Variants in FAF1 observed in about 807,000 individuals in gnomAD.
FAF1 encodes the protein FAS-associated factor 1.
A neutral mutation model predicts 92.5 loss-of-function variants in FAF1; 25 were observed. That is an observed-to-expected ratio of 0.27 (90% CI 0.20 to 0.38). FAF1 has a LOEUF of 0.38. Among genes scored for constraint, FAF1 ranks in the 10% least tolerant of loss-of-function variants. The probability of loss-of-function intolerance (pLI) is 1.00; values close to 1 mark genes in which losing one functional copy is unlikely to be tolerated. For missense variants in FAF1, 636 were observed against 793.3 expected (o/e 0.80, Z 2.38); for synonymous variants, 234 against 273.2 (o/e 0.86, Z 1.42).
intron 7 of FAF1, among the ~76,000 whole-genome samples, chr1:50,656,459 A>G (rs1655116659): frequency 6.6e-6 from 1 of 152,210 alleles, no homozygotes; most frequent in African/African-American, 2.4e-5. Flanking sequence ...AAAATTAAAT[A>G]CAAAAAATGC....
chr1:50,707,419 C>A (rs1490197502), intron 6 of FAF1, among the ~76,000 whole-genome samples: 1 of 152,032 alleles, frequency 6.6e-6, no homozygotes, highest in Non-Finnish European at 1.5e-5. Context: ...GCATAATGGG[C>A]TGGGTGCACT....
At chr1:50,938,373 G>A (rs1360823388) in intron 1 of FAF1, among the ~76,000 whole-genome samples, 1 of 152,184 alleles carries the variant, frequency 6.6e-6, no homozygotes, top group Non-Finnish European at 1.5e-5. Context: ...GACCAGCTAT[G>A]TATGTCACCA....
At chr1:50,955,022 G>T in intron 1 of FAF1, among the ~76,000 whole-genome samples, 1 of 152,236 alleles carries the variant, frequency 6.6e-6, no homozygotes, top group South Asian at 2.1e-4. Flanking sequence ...AAGAGGTTAA[G>T]GAGGAGAAGA....
intron 15 of FAF1, among the ~76,000 whole-genome samples, chr1:50,520,469 CTCA>C (rs1647439588): frequency 6.6e-6 from 1 of 152,176 alleles, no homozygotes; most frequent in South Asian, 2.1e-4. Context: ...TATTTCTTTG[CTCA>C]TGTTTTCCCA....
intron 2 of FAF1, among the ~76,000 whole-genome samples, chr1:50,841,002 C>T (rs1038823930): frequency 6.6e-6 from 1 of 151,968 alleles, no homozygotes; most frequent in African/African-American, 2.4e-5. Flanking sequence ...AGGACCCAGC[C>T]ACTTCACACA....
intron 1 of FAF1, among the ~76,000 whole-genome samples, chr1:50,869,557 C>T (rs1282471795): frequency 8.5e-5 from 13 of 152,280 alleles, no homozygotes; most frequent in African/African-American, 3.1e-4. Flanking sequence ...CCTACATAAT[C>T]AATTCTGCTC....
chr1:50,543,571 G>A (rs1325868090), intron 13 of FAF1, among the ~76,000 whole-genome samples: 1 of 152,100 alleles, frequency 6.6e-6, no homozygotes, highest in African/African-American at 2.4e-5. Context: ...CTAAAATATG[G>A]TAGGCCCTTA....
At chr1:50,624,439 G>C (rs1020829218) in intron 8 of FAF1, among the ~76,000 whole-genome samples, 1 of 151,942 alleles carries the variant, frequency 6.6e-6, no homozygotes, top group African/African-American at 2.4e-5. Flanking sequence ...GAGCCACCGC[G>C]CCCGGCCAAC....
intron 13 of FAF1, among the ~76,000 whole-genome samples, chr1:50,558,129 C>T (rs1649682102): frequency 6.6e-6 from 1 of 151,994 alleles, no homozygotes; most frequent in African/African-American, 2.4e-5. Context: ...GAACTCCTTG[C>T]CTTAAGTGAT....
chr1:50,858,865 C>T (rs944388800), intron 1 of FAF1, among the ~76,000 whole-genome samples: 1 of 151,722 alleles, frequency 6.6e-6, no homozygotes, highest in Non-Finnish European at 1.5e-5. Context: ...TCTGGTGACC[C>T]AGCTCATGGC....
intron 6 of FAF1, among the ~76,000 whole-genome samples, chr1:50,718,165 A>T (rs572801177): frequency 6.6e-6 from 1 of 151,942 alleles, no homozygotes; most frequent in Non-Finnish European, 1.5e-5. Flanking sequence ...GATTACAGGC[A>T]CCCGAGTAGC....
At chr1:50,846,282 T>G (rs2124651054) in intron 2 of FAF1, among the ~76,000 whole-genome samples, 1 of 149,610 alleles carries the variant, frequency 6.7e-6, no homozygotes, top group East Asian at 1.9e-4. Context: ...CATTTGCAAG[T>G]GACAAGCTGT....
At chr1:50,759,817 T>C (rs914845108) in intron 4 of FAF1, among the ~76,000 whole-genome samples, 6 of 152,202 alleles carry the variant, frequency 3.9e-5, no homozygotes, top group Non-Finnish European at 8.8e-5. Flanking sequence ...GCACCTGTTG[T>C]TTCCTGACTT....
chr1:50,571,654 G>C (rs901407856), intron 12 of FAF1, among the ~76,000 whole-genome samples: 1 of 152,180 alleles, frequency 6.6e-6, no homozygotes, highest in Non-Finnish European at 1.5e-5. Flanking sequence ...TGAGTTCGGT[G>C]CCTCACTAAT....
At chr1:50,814,429 G>T (rs1461656055) in intron 2 of FAF1, among the ~76,000 whole-genome samples, 3 of 151,836 alleles carry the variant, frequency 2.0e-5, no homozygotes, top group Non-Finnish European at 4.4e-5. Flanking sequence ...CATATTGTGT[G>T]GGTACAATAA....
At chr1:50,869,719 TAG>T (rs1644511370) in intron 1 of FAF1, among the ~76,000 whole-genome samples, 1 of 152,186 alleles carries the variant, frequency 6.6e-6, no homozygotes, top group Non-Finnish European at 1.5e-5. Flanking sequence ...CTACCTAGTA[TAG>T]AGTTTTTTCT....
intron 14 of FAF1, 85 bp downstream of exon 14, chr1:50,539,507 T>A: frequency 1.1e-6 from 1 of 905,274 alleles, no homozygotes. Flanking sequence ...TATTTACTAA[T>A]AGAAATATTG....
chr1:50,569,603 C>T (rs1446132822), intron 12 of FAF1, among the ~76,000 whole-genome samples: 1 of 152,162 alleles, frequency 6.6e-6, no homozygotes, highest in Non-Finnish European at 1.5e-5. Flanking sequence ...TCAGCAACTA[C>T]ATTTAATGAG....
chr1:50,714,177 CTTCA>C (rs1658074905), intron 6 of FAF1, among the ~76,000 whole-genome samples: 1 of 151,432 alleles, frequency 6.6e-6, no homozygotes, highest in African/African-American at 2.4e-5. Context: ...TATTTTTTTT[CTTCA>C]TTATGATTTT....
Sources: gnomAD v4.1 joint callset for allele counts (sites outside exome capture counted in the v4.1 genomes callset) on GRCh38, gnomAD v4.1.1 for gene constraint, MANE v1.5 for transcripts, NCBI Gene and HGNC (gene_info 2026-07-23, HGNC 2026-07-21) for gene names.